The following COL4A2 variants were observed in gnomAD, a reference collection of about 807,000 sequenced individuals.
COL4A2 encodes the protein collagen type IV alpha 2 chain.
In COL4A2, 99 loss-of-function variants were observed where a neutral mutation model predicts 200.2. The ratio of observed to expected loss-of-function variants is 0.49; its 90% CI spans 0.42 to 0.58. COL4A2 has a LOEUF of 0.58. Ranked by LOEUF, COL4A2 falls within the 20% of genes least tolerant of loss-of-function variation. The pLI, the probability that COL4A2 is intolerant of heterozygous loss-of-function variation, is 0.00. For synonymous variants in COL4A2, 897 were observed against 900.6 expected, an observed-to-expected ratio of 1.00 and a Z score of 0.07; for missense variants, 1,950 against 2,314.1, an observed-to-expected ratio of 0.84 and a Z score of 3.23.
At chr13:110,452,120 T>TTTTGTTTGTTTGTTTGTTTGTTTG (rs10686508) in intron 20 of COL4A2, among the ~76,000 whole-genome samples, 1 of 151,280 alleles carries the variant, frequency 6.6e-6, no homozygotes, top group African/African-American at 2.4e-5. Context: ...AAAGTCTCTG[T>TTTTGTTTGTTTGTTTGTTTGTTTG]TTTGTTTGTT....
At chr13:110,467,359 CA>C (rs1377261912) in intron 27 of COL4A2, among the ~76,000 whole-genome samples, 2 of 152,260 alleles carry the variant, frequency 1.3e-5, no homozygotes, top group African/African-American at 4.8e-5. Context: ...GGAACGCCCC[CA>C]GGGGCAGAGA....
chr13:110,491,295 G>A lies in COL4A2; in HGVS notation c.3409G>A (p.Gly1137Ser). Residue 1137 changes from glycine (G) to serine (S), a missense_variant, in exon 37 of 48, where the codon GGC becomes AGC. Physicochemically the swap from Gly to Ser is moderately conservative, Grantham distance 56 (BLOSUM62 0). Coordinates refer to ENST00000360467, the MANE Select transcript of COL4A2 (RefSeq NM_001846.4). The part of the protein sequence containing the change: ...EGDIGFPGIT[G>S]VTGVQGPPGL... ...TGACATCGGCTTCCCTGGGATAACA[G>A]GCGTGACTGGAGTCCAAGGCCCTCC... is the stretch of plus-strand genomic sequence containing the variant. 5 of 1,599,116 alleles carry A rather than the reference G, an allele frequency of 3.1e-6. No homozygotes were observed. The highest frequency in any genetic ancestry group is 1.3e-5 in the African/African-American group (1 of 74,652).
At chr13:110,455,096 C>T (rs1380613002) in intron 20 of COL4A2, among the ~76,000 whole-genome samples, 1 of 152,198 alleles carries the variant, frequency 6.6e-6, no homozygotes. Context: ...CCACCGCCCG[C>T]GTAGCCTGCT....
At chr13:110,439,662 A>T in intron 15 of COL4A2, 127 bp from the exon 16 acceptor site, 1 of 1,467,566 alleles carries the variant, frequency 6.8e-7, no homozygotes, top group Non-Finnish European at 9.3e-7. Flanking sequence ...CAAAATCTGG[A>T]CCTGAGACTT....
intron 31 of COL4A2, among the ~76,000 whole-genome samples, chr13:110,480,962 GT>G (rs1349829228): frequency 3.4e-5 from 4 of 118,888 alleles, no homozygotes; most frequent in Admixed American, 8.2e-5. Context: ...CTGTCCCTCC[GT>G]TGCTGGAGAC....
At position 110,511,964 on chromosome 13, in the gene COL4A2, C is replaced by A; in HGVS notation, c.4912C>A (p.Gln1638Lys). The change falls in exon 48 of 48, where the codon CAA becomes AAA. Residue 1638 changes from glutamine to lysine, a missense_variant. Around this residue, in one of 2 missense-constraint regions of COL4A2, gnomAD observed 1,385 missense variants for 1,720.5 expected, o/e 0.80. Coordinates refer to ENST00000360467, the MANE Select transcript of COL4A2 (RefSeq NM_001846.4). ...GGCGGCGGGAGACGAAGGCGGTGGC[C>A]AATCACTGGTGTCACCGGGCAGCTG... ...HTAAGDEGGG[Q>K]SLVSPGSCLE... The A allele has an allele frequency of 6.2e-7, 1 of 1,613,530 alleles. No homozygotes were observed. Among genetic ancestry groups the A allele is most frequent in the Non-Finnish European group, 8.5e-7 (1 of 1,180,044 alleles).
At position 110,501,785 on chromosome 13, in the gene COL4A2, G is replaced by A. The variant is rs1288436076; in HGVS notation, c.3877+1G>A. ...GCGCCAGGGATATTTGGCCTGAAAG[G>A]TAAGCAGGACTTATACATCTGTGCT... On this transcript the variant is annotated splice_donor_variant, in intron 41 of 47. Coordinates refer to ENST00000360467, the MANE Select transcript of COL4A2 (RefSeq NM_001846.4). LOFTEE classifies it high-confidence loss of function. 6.2e-7 allele frequency: 1 copy of A among 1,613,050 alleles called. No individual in the cohort carries two copies. The highest frequency in any genetic ancestry group is 8.5e-7 in the Non-Finnish European group (1 of 1,179,410).
At chr13:110,368,631 G>A (rs899936489) in intron 4 of COL4A2, among the ~76,000 whole-genome samples, 1 of 152,148 alleles carries the variant, frequency 6.6e-6, no homozygotes, top group Non-Finnish European at 1.5e-5. Context: ...AAAGCATGAA[G>A]GGGAGAGATG....
At chr13:110,416,482 G>A (rs1880046294) in intron 4 of COL4A2, among the ~76,000 whole-genome samples, 1 of 152,208 alleles carries the variant, frequency 6.6e-6, no homozygotes, top group South Asian at 2.1e-4. Flanking sequence ...GTAATAAAAG[G>A]CTTTCCCAGA....
At chr13:110,420,699 C>T (rs765489331) in intron 4 of COL4A2, among the ~76,000 whole-genome samples, 7 of 152,150 alleles carry the variant, frequency 4.6e-5, no homozygotes, top group South Asian at 2.1e-4. Flanking sequence ...TTGATAAGGA[C>T]GATGATTAGC....
chr13:110,509,360 A>G (rs1884008625), intron 47 of COL4A2, among the ~76,000 whole-genome samples: 4 of 151,232 alleles, frequency 2.6e-5, no homozygotes, highest in Non-Finnish European at 1.5e-5. Flanking sequence ...AAAAATCCGG[A>G]TTCTAGGAAA....
intron 4 of COL4A2, among the ~76,000 whole-genome samples, chr13:110,378,302 C>T (rs532782065): frequency 6.6e-6 from 1 of 152,142 alleles, no homozygotes; most frequent in Non-Finnish European, 1.5e-5. Flanking sequence ...TAAGGAAATA[C>T]AGACAAGGGA....
intron 3 of COL4A2, among the ~76,000 whole-genome samples, chr13:110,336,703 C>G (rs774979489): frequency 6.6e-6 from 1 of 152,224 alleles, no homozygotes; most frequent in Non-Finnish European, 1.5e-5. Flanking sequence ...CATCTGCAAG[C>G]AGCTCATCTG....
At position 110,428,498 on chromosome 13, in the gene COL4A2, G is replaced by A; in HGVS notation, c.392G>A (p.Arg131Lys). 6.3e-7 allele frequency: 1 copy of A among 1,584,916 alleles called. No individual in the cohort carries two copies. The highest frequency in any genetic ancestry group is 8.5e-7 in the Non-Finnish European group (1 of 1,169,786). Reference protein sequence around the residue: ...GHPGQGGPRGRPGYDGCNGTQ... With the variant: ...GHPGQGGPRGKPGYDGCNGTQ... Reference sequence around the variant, plus strand: ...CCGGGGCAAGGTGGGCCCAGGGGAAGGCCGGGCTACGATGGCTGCAACGGA... The same window carrying A: ...CCGGGGCAAGGTGGGCCCAGGGGAAAGCCGGGCTACGATGGCTGCAACGGA... Residue 131 changes from arginine (R) to lysine (K), a missense_variant, in exon 7 of 48, where the codon AGG becomes AAG. Coordinates refer to ENST00000360467, the MANE Select transcript of COL4A2 (RefSeq NM_001846.4).
At chr13:110,495,032 G>A (rs1883408768) in intron 39 of COL4A2, among the ~76,000 whole-genome samples, 1 of 152,180 alleles carries the variant, frequency 6.6e-6, no homozygotes, top group Non-Finnish European at 1.5e-5. Context: ...CTGAAGAGAA[G>A]CCCCCAGGAG....
chr13:110,471,582 T>C (rs993572404), intron 28 of COL4A2, among the ~76,000 whole-genome samples: 2 of 152,192 alleles, frequency 1.3e-5, no homozygotes, highest in East Asian at 3.8e-4. Context: ...ACATTGCCAG[T>C]GAAAGTCATG....
At chr13:110,407,335 A>G (rs1273163324) in intron 4 of COL4A2, among the ~76,000 whole-genome samples, 1 of 152,204 alleles carries the variant, frequency 6.6e-6, no homozygotes, top group Admixed American at 6.5e-5. Context: ...AGAAACGTGG[A>G]AAGGCCAGTG....
chr13:110,400,635 A>T (rs1879340191), intron 4 of COL4A2, among the ~76,000 whole-genome samples: 2 of 152,242 alleles, frequency 1.3e-5, no homozygotes, highest in African/African-American at 4.8e-5. Flanking sequence ...AAAGGGGGAA[A>T]AATATTGTAA....
At chr13:110,388,885 G>T (rs1050190847) in intron 4 of COL4A2, among the ~76,000 whole-genome samples, 2 of 152,096 alleles carry the variant, frequency 1.3e-5, no homozygotes, top group Admixed American at 6.5e-5. Context: ...CTTCAAAGCT[G>T]TGTCTTTCCT....
Sources: gnomAD v4.1 joint callset for allele counts (sites outside exome capture counted in the v4.1 genomes callset) on GRCh38, gnomAD v4.1.1 for gene constraint, gnomAD v4.1.1 regional missense constraint, MANE v1.5 for transcripts, NCBI Gene and HGNC (gene_info 2026-07-23, HGNC 2026-07-21) for gene names.